The following ALG14 variants were observed in gnomAD, a reference collection of about 807,000 sequenced individuals.
ALG14 encodes the protein ALG14 UDP-N-acetylglucosaminyltransferase subunit, also known as UDP-N-acetylglucosamine transferase subunit ALG14.
In ALG14, 17 loss-of-function variants were observed where a neutral mutation model predicts 22.8. The ratio of observed to expected loss-of-function variants is 0.75; its 90% CI spans 0.51 to 1.12. The LOEUF is 1.12. Ranked by LOEUF, ALG14 falls within the 50% of genes most tolerant of loss-of-function variation. ALG14 has a pLI of 0.00. For missense variants in ALG14, 288 were observed against 271.8 expected (o/e 1.06, Z -0.42); for synonymous variants, 89 against 103.7 (o/e 0.86, Z 0.86).
Position 95,031,293 on chromosome 1 carries a change from A to G in ALG14, c.289-4033T>C, listed in dbSNP as rs572794291. Among the ~76,000 whole-genome samples the G allele has an allele frequency of 3.0e-4, 45 of 152,326 alleles. 1 individual carries two copies. The South Asian group carries it at 9.3e-3, about 32-fold the overall frequency. On this transcript the variant is annotated intron_variant, in intron 2 of 3. Coordinates refer to ENST00000370205, the MANE Select transcript of ALG14 (RefSeq NM_144988.4). ...CAGGATACTTGTTCAGCACAGCCTGAAGAGTCAATATGGTGGGAGAATCTG... is the reference window on the plus strand; with the variant it reads ...CAGGATACTTGTTCAGCACAGCCTGGAGAGTCAATATGGTGGGAGAATCTG...
At chr1:95,012,618 C>T (rs1159932982) in intron 3 of ALG14, among the ~76,000 whole-genome samples, 3 of 152,184 alleles carry the variant, frequency 2.0e-5, no homozygotes, top group Admixed American at 6.5e-5. Context: ...ACCCTATCAC[C>T]ATATGTGGGT....
rs1674595155 is a variant in ALG14, at chr1:95,047,326, T to C, written c.288+17540A>G. On this transcript the variant is annotated intron_variant, in intron 2 of 3. Coordinates refer to ENST00000370205, the MANE Select transcript of ALG14 (RefSeq NM_144988.4). ...GAACTGGGATAGTGACAGGAAACTTTCACTGTTTACTTTGTATATTTATTT... is the reference window on the plus strand; with the variant it reads ...GAACTGGGATAGTGACAGGAAACTTCCACTGTTTACTTTGTATATTTATTT... Among the ~76,000 whole-genome samples the C allele has an allele frequency of 1.3e-5, 2 of 152,158 alleles. 1 individual carries two copies. The highest frequency in any genetic ancestry group is 1.3e-4 in the Admixed American group (2 of 15,276).
rs922075481 is a variant in ALG14, at chr1:94,976,220, T to C, written c.*6856A>G. On this transcript the variant is annotated 3_prime_UTR_variant, in exon 4 of 4. Coordinates refer to ENST00000370205, the MANE Select transcript of ALG14 (RefSeq NM_144988.4). ...ACATTATGCTTATTTTACAGAAAGGTCAAGTAACTTGCCAGAAAAGGGATA... is the reference window on the plus strand; with the variant it reads ...ACATTATGCTTATTTTACAGAAAGGCCAAGTAACTTGCCAGAAAAGGGATA... 1 of 151,856 alleles carries C rather than the reference T, an allele frequency of 6.6e-6. No individual in the cohort carries two copies. Among genetic ancestry groups the C allele is most frequent in the Non-Finnish European group, 1.5e-5 (1 of 68,020 alleles). 9.4% of individuals were successfully genotyped at this position (151,856 alleles called of 1,614,324 possible).
In ALG14 at chr1:95,046,455, C is replaced by T. The variant is rs1034920229; in HGVS notation, c.288+18411G>A. ...GAGAATCTAACTAACGCCTGATGAT[C>T]TGAGGTGAAACAGTTTCATCCTGAA... On this transcript the variant is annotated intron_variant, in intron 2 of 3. Transcript: ENST00000370205. Among the ~76,000 whole-genome samples, 16 of 152,216 alleles carry T rather than the reference C, an allele frequency of 1.1e-4. No individual in the cohort carries two copies. The East Asian group carries it at 3.1e-3, about 29-fold the overall frequency.
chr1:95,060,070 G>A (rs1256931907), intron 2 of ALG14, among the ~76,000 whole-genome samples: 2 of 151,724 alleles, frequency 1.3e-5, no homozygotes, highest in Admixed American at 6.6e-5. Context: ...GCAGGAAGGT[G>A]TCTGTCTCTG....
At chr1:95,051,950 T>A (rs1298282814) in intron 2 of ALG14, among the ~76,000 whole-genome samples, 1 of 152,202 alleles carries the variant, frequency 6.6e-6, no homozygotes, top group African/African-American at 2.4e-5. Flanking sequence ...TTTACCTAAT[T>A]ATCTGGTTTA....
chr1:95,071,834 C>A (rs759729826), intron 1 of ALG14, among the ~76,000 whole-genome samples: 8 of 152,204 alleles, frequency 5.3e-5, no homozygotes, highest in Non-Finnish European at 8.8e-5. Context: ...GTACTTCTTA[C>A]ACAATTATTA....
At chr1:95,065,257 C>CTAAG (rs1352521501) in intron 1 of ALG14, among the ~76,000 whole-genome samples, 3 of 151,910 alleles carry the variant, frequency 2.0e-5, no homozygotes, top group Non-Finnish European at 4.4e-5. Flanking sequence ...GCAGTAGGTA[C>CTAAG]TAAGGAAGGC....
At chr1:95,007,629 C>T (rs1673254712) in intron 3 of ALG14, among the ~76,000 whole-genome samples, 1 of 152,194 alleles carries the variant, frequency 6.6e-6, no homozygotes, top group Admixed American at 6.5e-5. Context: ...AACATGTTGT[C>T]TACACAAGCT....
At chr1:95,028,707 G>A (rs975376764) in intron 2 of ALG14, among the ~76,000 whole-genome samples, 6 of 151,986 alleles carry the variant, frequency 3.9e-5, no homozygotes, top group African/African-American at 9.7e-5. Context: ...GCTGAGGTAG[G>A]AGAATTGCTT....
At chr1:95,051,132 C>CTCAGACTCA (rs1674732844) in intron 2 of ALG14, among the ~76,000 whole-genome samples, 1 of 152,110 alleles carries the variant, frequency 6.6e-6, no homozygotes, top group South Asian at 2.1e-4. Flanking sequence ...CCTTCTGAAC[C>CTCAGACTCA]TCAGACTCAT....
In ALG14 at chr1:94,974,817, A is replaced by T. The variant is rs1170297394; in HGVS notation, c.*8259T>A. 2 of 152,226 alleles carry T rather than the reference A, an allele frequency of 1.3e-5. No individual in the cohort carries two copies. The highest frequency in any genetic ancestry group is 2.9e-5 in the Non-Finnish European group (2 of 68,052). The allele number at this position is 152,226 out of a possible 1,614,324, so 9.4% of individuals were successfully genotyped here. ...TGCCTATGAACTCTGTGGATCAGCA[A>T]ATCACAGGGCACAGAAGGGAGAGCT... is the stretch of plus-strand genomic sequence containing the variant. On this transcript the variant is annotated 3_prime_UTR_variant, in exon 4 of 4. Transcript: ENST00000370205.
chr1:95,029,025 C>T (rs1188410134), intron 2 of ALG14, among the ~76,000 whole-genome samples: 1 of 152,146 alleles, frequency 6.6e-6, no homozygotes, highest in Non-Finnish European at 1.5e-5. Context: ...CAAATTATCT[C>T]CAAATTTACC....
At chr1:95,039,081 G>A (rs1674300215) in intron 2 of ALG14, among the ~76,000 whole-genome samples, 1 of 152,170 alleles carries the variant, frequency 6.6e-6, no homozygotes, top group African/African-American at 2.4e-5. Context: ...GATCTAACTT[G>A]TGCAGGATAT....
intron 3 of ALG14, among the ~76,000 whole-genome samples, chr1:95,019,719 G>A (rs1005259591): frequency 1.3e-5 from 2 of 152,126 alleles, no homozygotes; most frequent in African/African-American, 4.8e-5. Context: ...AGTGGCTCAC[G>A]CTTGTAATCC....
At position 95,051,492 on chromosome 1, in the gene ALG14, C is replaced by G. The variant is rs188083321; in HGVS notation, c.288+13374G>C. The stretch of plus-strand genomic sequence containing the variant: ...CCCTTCTCCCCTTCAGTTTAGTCAG[C>G]GACTAAAGTGATTCTGTCAGATCAT... On this transcript the variant is annotated intron_variant, in intron 2 of 3. Transcript: ENST00000370205. 3.1e-3 allele frequency among the ~76,000 whole-genome samples: 473 copies of G among 152,268 alleles called. 1 individual carries two copies. In the Middle Eastern group the frequency reaches 0.034, roughly 11 times the overall value.
intron 2 of ALG14, 128 bp downstream of exon 2, chr1:95,064,738 T>C: frequency 1.3e-6 from 1 of 743,930 alleles, no homozygotes; most frequent in Non-Finnish European, 2.1e-6. Context: ...GGAAATGTAT[T>C]TCATCACCAG....
rs1016455677 is a variant in ALG14 at position 94,974,512 on chromosome 1, T to G, written c.*8564A>C. 3 of 152,176 alleles carry G rather than the reference T, an allele frequency of 2.0e-5. No individual in the cohort carries two copies. The highest frequency in any genetic ancestry group is 7.2e-5 in the African/African-American group (3 of 41,436). The allele number at this position is 152,176 out of a possible 1,614,324, so 9.4% of individuals were successfully genotyped here. A position where few individuals can be genotyped will look rare whatever the true frequency, so the allele number is the denominator to read the frequency against. ...AACCATGTGCTTATTCATCTGCATA[T>G]GGTTAAAGATTTAAAAGAATCCATT... On this transcript the variant is annotated 3_prime_UTR_variant, in exon 4 of 4. Coordinates refer to ENST00000370205, the MANE Select transcript of ALG14 (RefSeq NM_144988.4).
intron 3 of ALG14, among the ~76,000 whole-genome samples, chr1:95,000,777 T>TAAAAAAAAAAAAA (rs56810994): frequency 1.5e-5 from 1 of 65,232 alleles, no homozygotes; most frequent in African/African-American, 5.7e-5. Flanking sequence ...TATGCCACAC[T>TAAAAAAAAAAAAA]AAAAAAAAAA....
Sources: allele counts gnomAD v4.1 joint callset (sites outside exome capture counted in the v4.1 genomes callset), GRCh38; gene constraint gnomAD v4.1.1; transcripts MANE v1.5; gene names NCBI Gene and HGNC (gene_info 2026-07-23, HGNC 2026-07-21).